ADAM12: variants seen among roughly 807,000 people sequenced by gnomAD.
The protein encoded by ADAM12 is disintegrin and metalloproteinase domain-containing protein 12.
In ADAM12, 70 loss-of-function variants were observed where a neutral mutation model predicts 106.4. That is an observed-to-expected ratio of 0.66 (90% CI 0.54 to 0.80). The LOEUF (loss-of-function observed/expected upper bound fraction) is 0.80. ADAM12 is among the 30% of genes least tolerant of loss of function. ADAM12 has a pLI of 0.00. For missense variants in ADAM12, 1,010 were observed against 1,171.9 expected (o/e 0.86, Z 2.02); for synonymous variants, 420 against 433.5 (o/e 0.97, Z 0.39).
intron 2 of ADAM12, among the ~76,000 whole-genome samples, chr10:126,321,968 C>T (rs942157149): frequency 2.0e-5 from 3 of 150,414 alleles, no homozygotes; most frequent in Non-Finnish European, 3.0e-5. Context: ...CTGCTGGGGG[C>T]ATCCAGCGAG....
rs562364596 is a variant in ADAM12 at position 126,175,046 on chromosome 10, G to A, written c.261-19741C>T. On this transcript the variant is annotated intron_variant, in intron 3 of 22. Coordinates refer to ENST00000448723, the MANE Select transcript of ADAM12 (RefSeq NM_001288973.2). Reference sequence around the variant, plus strand: ...GCTGGGATTACAGGCATGAGCCACCGCGCCCGGCCACCCATTTTTATTAAA... The same window carrying A: ...GCTGGGATTACAGGCATGAGCCACCACGCCCGGCCACCCATTTTTATTAAA... Among the ~76,000 whole-genome samples the A allele has an allele frequency of 3.7e-4, 57 of 152,148 alleles. 1 individual carries two copies. In the South Asian group the frequency reaches 6.0e-3, roughly 16 times the overall value.
chr10:126,316,673 A>G (rs774867944), intron 2 of ADAM12, among the ~76,000 whole-genome samples: 3 of 152,030 alleles, frequency 2.0e-5, no homozygotes, highest in Admixed American at 6.6e-5. Flanking sequence ...CCTCAGCAAC[A>G]TGGCAAAAAC....
chr10:126,299,882 G>A (rs2133796442), intron 2 of ADAM12, among the ~76,000 whole-genome samples: 1 of 152,226 alleles, frequency 6.6e-6, no homozygotes, highest in South Asian at 2.1e-4. Context: ...GACCTCAGTT[G>A]ATCTGCCTGT....
At chr10:126,220,994 C>T (rs754009059) in intron 3 of ADAM12, among the ~76,000 whole-genome samples, 2 of 152,222 alleles carry the variant, frequency 1.3e-5, no homozygotes, top group Non-Finnish European at 2.9e-5. Context: ...CAAAGCCTCT[C>T]CACATCATTG....
At chr10:126,138,696 A>G (rs1169132609) in intron 4 of ADAM12, among the ~76,000 whole-genome samples, 1 of 152,142 alleles carries the variant, frequency 6.6e-6, no homozygotes, top group Non-Finnish European at 1.5e-5. Flanking sequence ...TCTTGATTGT[A>G]TCTTTTGAAG....
intron 1 of ADAM12, among the ~76,000 whole-genome samples, chr10:126,364,879 C>T (rs768174591): frequency 6.6e-6 from 1 of 152,126 alleles, no homozygotes; most frequent in African/African-American, 2.4e-5. Flanking sequence ...CATGAATTTC[C>T]ATTAGATTAA....
At chr10:126,140,523 C>T (rs1329554416) in intron 4 of ADAM12, among the ~76,000 whole-genome samples, 1 of 152,138 alleles carries the variant, frequency 6.6e-6, no homozygotes, top group African/African-American at 2.4e-5. Flanking sequence ...AATCTCACTT[C>T]TCTCAGTCAT....
intron 10 of ADAM12, among the ~76,000 whole-genome samples, chr10:126,094,520 G>A (rs1333213096): frequency 6.6e-6 from 1 of 152,144 alleles, no homozygotes; most frequent in East Asian, 1.9e-4. Context: ...GGCCATAGAA[G>A]TATCATTTTA....
intron 19 of ADAM12, among the ~76,000 whole-genome samples, chr10:126,038,952 C>CTTTTTTTTTTTTT (rs34277276): frequency 1.4e-5 from 1 of 71,542 alleles, no homozygotes; most frequent in African/African-American, 5.4e-5. Context: ...GACACCATTT[C>CTTTTTTTTTTTTT]TTTTTTTTTT....
intron 2 of ADAM12, among the ~76,000 whole-genome samples, chr10:126,289,458 G>A (rs899457088): frequency 1.3e-5 from 2 of 152,208 alleles, no homozygotes; most frequent in African/African-American, 2.4e-5. Flanking sequence ...CCAGCCCCTT[G>A]CAACGTTCAG....
At chr10:126,299,795 C>G (rs1027997961) in intron 2 of ADAM12, among the ~76,000 whole-genome samples, 5 of 152,264 alleles carry the variant, frequency 3.3e-5, no homozygotes, top group Non-Finnish European at 5.9e-5. Flanking sequence ...AGGTGCCCAC[C>G]ACCACGCCTG....
intron 2 of ADAM12, among the ~76,000 whole-genome samples, chr10:126,305,786 C>A (rs747241124): frequency 6.6e-6 from 1 of 151,900 alleles, no homozygotes; most frequent in African/African-American, 2.4e-5. Flanking sequence ...GAATTATGAC[C>A]AGGCTAGTAG....
intron 3 of ADAM12, among the ~76,000 whole-genome samples, chr10:126,251,528 GAT>G: frequency 6.5e-5 from 2 of 30,990 alleles, no homozygotes; most frequent in Non-Finnish European, 3.7e-4. Flanking sequence ...GGATGGACAG[GAT>G]GGATAGATGG....
At chr10:126,342,848 C>T (rs1201365528) in intron 1 of ADAM12, among the ~76,000 whole-genome samples, 2 of 151,438 alleles carry the variant, frequency 1.3e-5, no homozygotes, top group Non-Finnish European at 2.9e-5. Context: ...CTCCTTTCGG[C>T]GTCTGATCAC....
chr10:126,079,661 A>G (rs1323920365), intron 11 of ADAM12, among the ~76,000 whole-genome samples: 1 of 152,220 alleles, frequency 6.6e-6, no homozygotes, highest in Admixed American at 6.5e-5. Flanking sequence ...TGTTGTACCT[A>G]TTTGTGTCGT....
At chr10:126,268,295 T>C (rs1959139999) in intron 3 of ADAM12, among the ~76,000 whole-genome samples, 1 of 152,274 alleles carries the variant, frequency 6.6e-6, no homozygotes, top group South Asian at 2.1e-4. Flanking sequence ...TGTGATGGCA[T>C]GTGTCAGAAT....
chr10:126,190,198 C>CT (rs36118604), intron 3 of ADAM12, among the ~76,000 whole-genome samples: 108 of 138,402 alleles, frequency 7.8e-4, no homozygotes, highest in African/African-American at 8.8e-4. Context: ...CCAATTCACT[C>CT]TTTTTTTTTT....
intron 3 of ADAM12, among the ~76,000 whole-genome samples, chr10:126,194,278 CAAAA>C (rs35778124): frequency 1.7e-5 from 1 of 58,066 alleles, no homozygotes. Flanking sequence ...TTCATATGCT[CAAAA>C]AAAAAAAAAA....
intron 1 of ADAM12, among the ~76,000 whole-genome samples, chr10:126,370,600 T>C (rs1342736374): frequency 6.6e-6 from 1 of 152,172 alleles, no homozygotes; most frequent in Non-Finnish European, 1.5e-5. Flanking sequence ...CAGGACAAGT[T>C]CCTGGGATTC....
Sources: allele counts gnomAD v4.1 joint callset (sites outside exome capture counted in the v4.1 genomes callset), GRCh38; gene constraint gnomAD v4.1.1; transcripts MANE v1.5; gene names NCBI Gene and HGNC (gene_info 2026-07-23, HGNC 2026-07-21).